Variants in PDE4B observed in about 807,000 individuals in gnomAD.
The protein encoded by PDE4B is phosphodiesterase 4B.
PDE4B carries 20 observed loss-of-function variants against 82.2 expected under a neutral mutation model. The ratio of observed to expected loss-of-function variants is 0.24; its 90% confidence interval spans 0.17 to 0.35. The LOEUF is 0.35. Ranked by LOEUF, PDE4B falls within the 10% of genes least tolerant of loss-of-function variation. The pLI is 1.00. For missense variants in PDE4B, 655 were observed against 907.2 expected (o/e 0.72, Z 3.57); for synonymous variants, 320 against 318.9 (o/e 1.00, Z -0.04).
Position 66,368,804 on chromosome 1 carries a change from A to C in PDE4B, c.1680A>C (p.Val560=), listed in dbSNP as rs34492439. The part of the protein sequence containing the change: ...TDRIQVLRNM[V]HCADLSNPTK... ...GATTTCAGGTCCTTCGCAACATGGT[A>C]CACTGTGCAGACCTGAGCAACCCCA... is the stretch of plus-strand genomic sequence containing the variant. The change falls in exon 16 of 17, where the codon GTA becomes GTC. Residue 560 remains valine, a synonymous_variant. Transcript: ENST00000341517. The C allele has an allele frequency of 2.6e-5, 41 of 1,591,792 alleles. No homozygotes were observed. In the African/African-American group the frequency reaches 5.0e-4, roughly 19 times the overall value.
At chr1:65,889,619 A>G (rs1431783427) in intron 1 of PDE4B, among the ~76,000 whole-genome samples, 4 of 152,146 alleles carry the variant, frequency 2.6e-5, no homozygotes, top group African/African-American at 9.6e-5. Flanking sequence ...TTCTCAAACT[A>G]TTTGTCCTTT....
chr1:66,090,744 T>TATGTGTATACAC (rs746637080), intron 3 of PDE4B, among the ~76,000 whole-genome samples: 4,585 of 151,092 alleles, frequency 0.03, 85 homozygotes, highest in East Asian at 0.079. Flanking sequence ...TATATATACA[T>TATGTGTATACAC]ATATATGTAT....
At chr1:65,936,053 G>A (rs562876977) in intron 3 of PDE4B, among the ~76,000 whole-genome samples, 186 of 150,116 alleles carry the variant, frequency 1.2e-3, no homozygotes, top group African/African-American at 4.2e-3. Flanking sequence ...TCTTTTTTAC[G>A]TTTTAAAGTT....
At chr1:65,835,894 A>T (rs1646133860) in intron 1 of PDE4B, among the ~76,000 whole-genome samples, 1 of 152,050 alleles carries the variant, frequency 6.6e-6, no homozygotes, top group African/African-American at 2.4e-5. Flanking sequence ...GCAAAAATCC[A>T]CTTGAGTGAA....
chr1:65,813,281 G>A (rs1000767312), intron 1 of PDE4B, among the ~76,000 whole-genome samples: 10 of 152,174 alleles, frequency 6.6e-5, no homozygotes, highest in African/African-American at 2.2e-4. Flanking sequence ...GAGGTATACG[G>A]AGGGAGAAAG....
intron 13 of PDE4B, 88 bp from the exon 14 acceptor site, chr1:66,367,608 G>C: frequency 9.3e-7 from 1 of 1,076,764 alleles, no homozygotes; most frequent in African/African-American, 1.6e-5. Context: ...AATTTGGAGA[G>C]AACTAGGTCT....
At chr1:66,266,640 G>GT (rs1355075133) in intron 7 of PDE4B, 3 of 488,444 alleles carry the variant, frequency 6.1e-6, no homozygotes, top group African/African-American at 4.0e-5. Flanking sequence ...TTTGTTTTTT[G>GT]TTTTTTAAGA....
At chr1:66,154,984 C>G (rs142648440) in intron 3 of PDE4B, among the ~76,000 whole-genome samples, 1,682 of 152,138 alleles carry the variant, frequency 0.011, 33 homozygotes, top group African/African-American at 0.039. Context: ...TTGAGACCAG[C>G]CTGAGCAACA....
intron 3 of PDE4B, among the ~76,000 whole-genome samples, chr1:66,029,240 C>T (rs950115094): frequency 3.3e-5 from 5 of 152,250 alleles, no homozygotes; most frequent in East Asian, 1.9e-4. Context: ...CATCAGATTT[C>T]GTGAGACATA....
intron 8 of PDE4B, among the ~76,000 whole-genome samples, chr1:66,345,962 C>T (rs763516722): frequency 8.5e-5 from 13 of 152,104 alleles, no homozygotes; most frequent in East Asian, 1.9e-4. Flanking sequence ...TTTGTTTGTT[C>T]GGTTGGCTTT....
intron 3 of PDE4B, among the ~76,000 whole-genome samples, chr1:66,122,703 C>CTTTTTTTTTTTTTTT (rs3036785): frequency 5.4e-5 from 6 of 111,946 alleles, no homozygotes; most frequent in Non-Finnish European, 7.1e-5. Context: ...CTCTTCTTTT[C>CTTTTTTTTTTTTTTT]TTTTTTTTTT....
At chr1:66,327,402 G>T (rs1220972505) in intron 7 of PDE4B, among the ~76,000 whole-genome samples, 2 of 152,252 alleles carry the variant, frequency 1.3e-5, no homozygotes, top group Middle Eastern at 3.4e-3. Context: ...ATGCACAAAG[G>T]AGTCAACAAT....
intron 3 of PDE4B, among the ~76,000 whole-genome samples, chr1:66,041,240 A>G (rs562222452): frequency 9.2e-5 from 14 of 152,082 alleles, no homozygotes; most frequent in African/African-American, 2.9e-4. Flanking sequence ...ATTGTTTATT[A>G]AGACTCAATT....
chr1:65,868,544 C>A (rs892931155), intron 1 of PDE4B, among the ~76,000 whole-genome samples: 2 of 152,172 alleles, frequency 1.3e-5, no homozygotes, highest in Non-Finnish European at 2.9e-5. Context: ...CCTATTTATT[C>A]ATTCATTGAA....
chr1:66,283,966 C>T (rs186421192), intron 7 of PDE4B, among the ~76,000 whole-genome samples: 2 of 152,302 alleles, frequency 1.3e-5, no homozygotes, highest in East Asian at 3.9e-4. Flanking sequence ...GGCGAGTACT[C>T]ACCACAACAT....
chr1:66,317,849 A>T (rs1015206167), intron 7 of PDE4B, among the ~76,000 whole-genome samples: 4 of 152,216 alleles, frequency 2.6e-5, no homozygotes, highest in African/African-American at 9.7e-5. Context: ...GTGAGCCGTG[A>T]TCACGCCATT....
At chr1:65,924,794 G>A (rs1439584786) in intron 3 of PDE4B, among the ~76,000 whole-genome samples, 1 of 152,244 alleles carries the variant, frequency 6.6e-6, no homozygotes, top group East Asian at 1.9e-4. Flanking sequence ...TCCTTGCCAT[G>A]TGGGTCTCAT....
At chr1:66,234,489 A>G (rs994337204) in intron 3 of PDE4B, among the ~76,000 whole-genome samples, 2 of 152,120 alleles carry the variant, frequency 1.3e-5, no homozygotes, top group Non-Finnish European at 2.9e-5. Context: ...GGGTTTCACT[A>G]TGTTAGCCAG....
chr1:65,907,776 C>G (rs1049293432), intron 1 of PDE4B, among the ~76,000 whole-genome samples: 23 of 152,060 alleles, frequency 1.5e-4, no homozygotes, highest in Non-Finnish European at 2.6e-4. Context: ...AAAAATACAC[C>G]AATGCCTCAT....
Sources: gnomAD v4.1 joint callset for allele counts (sites outside exome capture counted in the v4.1 genomes callset) on GRCh38, gnomAD v4.1.1 for gene constraint, MANE v1.5 for transcripts, NCBI Gene and HGNC (gene_info 2026-07-23, HGNC 2026-07-21) for gene names.